Variants in ZNF704 observed in about 807,000 individuals in gnomAD.
ZNF704 encodes zinc finger protein 704.
Under a neutral mutation model 44.7 loss-of-function variants are expected in ZNF704, and 10 were observed. The observed-to-expected ratio is 0.22, with a 90% CI of 0.14 to 0.38. The LOEUF (loss-of-function observed/expected upper bound fraction) is 0.38. Among genes scored for constraint, ZNF704 ranks in the 10% least tolerant of loss-of-function variants. The pLI is 1.00. For missense variants in ZNF704, 390 were observed against 545.5 expected, an observed-to-expected ratio of 0.71 and a Z score of 2.84; for synonymous variants, 211 against 207.6, an observed-to-expected ratio of 1.02 and a Z score of -0.14.
chr8:80,733,537 A>C (rs955335609), intron 2 of ZNF704, among the ~76,000 whole-genome samples: 1 of 152,216 alleles, frequency 6.6e-6, no homozygotes, highest in African/African-American at 2.4e-5. Flanking sequence ...GGGCCAATCT[A>C]CTTCACTCTT....
chr8:80,753,777 T>C (rs1445907202), intron 2 of ZNF704, among the ~76,000 whole-genome samples: 1 of 152,204 alleles, frequency 6.6e-6, no homozygotes, highest in East Asian at 1.9e-4. Flanking sequence ...TCCACAAACA[T>C]GCAGTAACCC....
At chr8:80,678,149 T>G (rs147017113) in intron 4 of ZNF704, among the ~76,000 whole-genome samples, 1 of 152,314 alleles carries the variant, frequency 6.6e-6, no homozygotes, top group East Asian at 1.9e-4. Context: ...TTATAATGAC[T>G]CAGGTCATTA....
chr8:80,793,009 T>G (rs567769699), intron 2 of ZNF704, among the ~76,000 whole-genome samples: 7 of 152,358 alleles, frequency 4.6e-5, no homozygotes, highest in African/African-American at 1.2e-4. Context: ...AATATATAAC[T>G]AATTCAGTTA....
At chr8:80,795,307 T>A (rs1279477982) in intron 2 of ZNF704, among the ~76,000 whole-genome samples, 1 of 152,222 alleles carries the variant, frequency 6.6e-6, no homozygotes. Context: ...CTGTAACTTG[T>A]AATTTTGAGA....
At chr8:80,731,156 G>C (rs959609282) in intron 2 of ZNF704, among the ~76,000 whole-genome samples, 2 of 152,160 alleles carry the variant, frequency 1.3e-5, no homozygotes, top group African/African-American at 4.8e-5. Flanking sequence ...TTGCTAAACA[G>C]ACAGCATCTA....
upstream of ZNF704, among the ~76,000 whole-genome samples, chr8:80,875,222 A>G (rs1809340423): frequency 6.6e-6 from 1 of 152,234 alleles, no homozygotes; most frequent in African/African-American, 2.4e-5. Context: ...GGTGTGATAA[A>G]GAAAATATAT....
At chr8:80,646,052 C>T (rs1376573313) in intron 7 of ZNF704, among the ~76,000 whole-genome samples, 1 of 152,204 alleles carries the variant, frequency 6.6e-6, no homozygotes, top group African/African-American at 2.4e-5. Flanking sequence ...AGCATAAAGG[C>T]CCTAACAGAG....
intron 2 of ZNF704, among the ~76,000 whole-genome samples, chr8:80,744,025 T>C (rs945425391): frequency 5.3e-5 from 8 of 152,152 alleles, no homozygotes; most frequent in African/African-American, 1.9e-4. Flanking sequence ...GACAGGGAGA[T>C]CTTTCTAGAC....
chr8:80,710,288 G>A (rs1818963928), intron 2 of ZNF704, among the ~76,000 whole-genome samples: 1 of 152,052 alleles, frequency 6.6e-6, no homozygotes, highest in Admixed American at 6.5e-5. Flanking sequence ...TAAACATCAT[G>A]CAGCATTCCC....
At chr8:80,725,087 T>C (rs1285547863) in intron 2 of ZNF704, among the ~76,000 whole-genome samples, 5 of 152,200 alleles carry the variant, frequency 3.3e-5, no homozygotes, top group African/African-American at 1.2e-4. Flanking sequence ...TAAGACATAG[T>C]GTTTGTGTTA....
At chr8:80,730,088 C>T (rs924685501) in intron 2 of ZNF704, among the ~76,000 whole-genome samples, 1 of 152,022 alleles carries the variant, frequency 6.6e-6, no homozygotes, top group Non-Finnish European at 1.5e-5. Flanking sequence ...TGAGAAGATG[C>T]GATTGCAGCA....
intron 4 of ZNF704, among the ~76,000 whole-genome samples, chr8:80,676,145 C>T (rs1000747977): frequency 2.0e-5 from 3 of 152,044 alleles, no homozygotes; most frequent in African/African-American, 7.3e-5. Flanking sequence ...CAGTAAATCT[C>T]GTAGAGTGTT....
intron 4 of ZNF704, among the ~76,000 whole-genome samples, chr8:80,672,925 T>A (rs6995287): frequency 2.0e-5 from 3 of 147,600 alleles, no homozygotes; most frequent in Admixed American, 6.7e-5. Context: ...AAGTTGAACT[T>A]AAAAAAAAAA....
chr8:80,837,326 C>T (rs1482217126), intron 1 of ZNF704, among the ~76,000 whole-genome samples: 1 of 152,070 alleles, frequency 6.6e-6, no homozygotes, highest in African/African-American at 2.4e-5. Flanking sequence ...GAATACAAGC[C>T]TTATTTTATA....
At chr8:80,764,936 T>C (rs980773510) in intron 2 of ZNF704, among the ~76,000 whole-genome samples, 2 of 152,148 alleles carry the variant, frequency 1.3e-5, no homozygotes, top group Non-Finnish European at 2.9e-5. Context: ...ATGGAACCAA[T>C]AGCATATGCA....
At chr8:80,837,944 G>A (rs1451904761) in intron 1 of ZNF704, among the ~76,000 whole-genome samples, 1 of 152,102 alleles carries the variant, frequency 6.6e-6, no homozygotes, top group Non-Finnish European at 1.5e-5. Flanking sequence ...CTGCCAAGGG[G>A]TCCCACACTC....
chr8:80,664,192 G>A (rs1818148503), intron 6 of ZNF704, among the ~76,000 whole-genome samples: 1 of 150,954 alleles, frequency 6.6e-6, no homozygotes, highest in Admixed American at 6.6e-5. Flanking sequence ...CGTCTCTCGG[G>A]TTCAAGCAAT....
At position 80,683,610 on chromosome 8, in the gene ZNF704, AC is replaced by A. The variant is rs143652923; in HGVS notation, c.558+3615del. Among the ~76,000 whole-genome samples, 979 of 152,322 alleles carry A rather than the reference AC, an allele frequency of 6.4e-3. 10 individuals carry two copies. The highest frequency in any genetic ancestry group is 6.4e-3 in the Non-Finnish European group (435 of 68,016). On this transcript the variant is annotated intron_variant, in intron 4 of 8. Coordinates refer to ENST00000327835, the MANE Select transcript of ZNF704 (RefSeq NM_001033723.3). ...TCTCTGCCACATTATAAGCTACACA[AC>A]CTTGGACAGTTAACATAACCTCAAT...
At chr8:80,808,112 C>A (rs983670990) in intron 2 of ZNF704, among the ~76,000 whole-genome samples, 2 of 152,212 alleles carry the variant, frequency 1.3e-5, no homozygotes, top group Non-Finnish European at 2.9e-5. Context: ...AGTCCAAAGA[C>A]TTCCTTAAGA....
Sources: gnomAD v4.1 joint callset for allele counts (sites outside exome capture counted in the v4.1 genomes callset) on GRCh38, gnomAD v4.1.1 for gene constraint, MANE v1.5 for transcripts, NCBI Gene and HGNC (gene_info 2026-07-23, HGNC 2026-07-21) for gene names.